The following GPATCH8 variants were observed in gnomAD, a reference collection of about 807,000 sequenced individuals.
The protein encoded by GPATCH8 is G-patch domain containing 8.
In GPATCH8, 18 loss-of-function variants were observed where a neutral mutation model predicts 118.3. The observed-to-expected ratio is 0.15, with a 90% CI of 0.11 to 0.23. GPATCH8 has a LOEUF of 0.23. Among genes scored for constraint, GPATCH8 ranks in the 10% least tolerant of loss-of-function variants. GPATCH8 has a pLI of 1.00. For missense variants in GPATCH8, 1,631 were observed against 1,873.8 expected, an observed-to-expected ratio of 0.87 and a Z score of 2.39; for synonymous variants, 659 against 684.7, an observed-to-expected ratio of 0.96 and a Z score of 0.59.
chr17:44,409,673 CCTCT>C (rs755854283), intron 6 of GPATCH8, among the ~76,000 whole-genome samples: 4 of 152,220 alleles, frequency 2.6e-5, no homozygotes, highest in Non-Finnish European at 4.4e-5. Flanking sequence ...GGTGATTTCA[CCTCT>C]CTGAGTTCCA....
Position 44,481,790 on chromosome 17 carries a change from T to G in GPATCH8, c.46-6887A>C, listed in dbSNP as rs1968268089. Among the ~76,000 whole-genome samples, 4 of 152,170 alleles carry G rather than the reference T, an allele frequency of 2.6e-5. No individual in the cohort carries two copies. In the South Asian group the frequency reaches 8.3e-4, roughly 31 times the overall value. ...TTAAAATCCTGTTCCATAGGCAGATTGTAGTGGCAGTTATAAGAATCTATA... is the reference window on the plus strand; with the variant it reads ...TTAAAATCCTGTTCCATAGGCAGATGGTAGTGGCAGTTATAAGAATCTATA... On this transcript the variant is annotated intron_variant, in intron 1 of 7. Transcript: ENST00000591680.
rs760573373 is a variant in GPATCH8, at chr17:44,399,969, T to C, written c.2108A>G (p.Glu703Gly). ...ADTEEKSSKA[E>G]SGEKSKKRKK... ...GCGCTTCTTAGATTTCTCCCCTGAC[T>C]CTGCCTTAGAGCTTTTCTCTTCTGT... Residue 703 changes from glutamate (E) to glycine (G), a missense_variant, in exon 8 of 8, where the codon GAG becomes GGG. By Grantham distance (98) the Glu-to-Gly change is moderately conservative. Coordinates refer to ENST00000591680, the MANE Select transcript of GPATCH8 (RefSeq NM_001002909.4). 17 of 1,614,048 alleles carry C rather than the reference T, an allele frequency of 1.1e-5. No homozygotes were observed. The highest frequency in any genetic ancestry group is 5.3e-5 in the African/African-American group (4 of 74,918).
At chr17:44,419,872 A>C (rs1000214675) in intron 6 of GPATCH8, among the ~76,000 whole-genome samples, 2 of 152,114 alleles carry the variant, frequency 1.3e-5, no homozygotes, top group African/African-American at 4.8e-5. Context: ...ACTATGAAAA[A>C]TTTAGTGCTG....
intron 1 of GPATCH8, among the ~76,000 whole-genome samples, chr17:44,475,304 C>T (rs762878916): frequency 1.3e-4 from 20 of 150,830 alleles, no homozygotes; most frequent in South Asian, 2.1e-4. Context: ...TGCTTGAACC[C>T]GGGAGGTGGG....
chr17:44,499,400 G>A (rs963186100), intron 1 of GPATCH8, among the ~76,000 whole-genome samples: 1 of 152,210 alleles, frequency 6.6e-6, no homozygotes, highest in Non-Finnish European at 1.5e-5. Context: ...AACCCGGGAG[G>A]CGGAGGTTGA....
chr17:44,462,985 T>TATAA (rs57126645), intron 3 of GPATCH8, among the ~76,000 whole-genome samples: 9,159 of 149,566 alleles, frequency 0.061, 433 homozygotes, highest in South Asian at 0.26. Flanking sequence ...CACTTCAAAA[T>TATAA]ATAAATAAAT....
chr17:44,461,314 T>G (rs1408376584), intron 3 of GPATCH8, among the ~76,000 whole-genome samples: 1 of 152,072 alleles, frequency 6.6e-6, no homozygotes, highest in Non-Finnish European at 1.5e-5. Context: ...CCCTAGTAGC[T>G]GGGACTATAG....
chr17:44,489,896 G>A (rs1969109026), intron 1 of GPATCH8, among the ~76,000 whole-genome samples: 1 of 152,050 alleles, frequency 6.6e-6, no homozygotes. Flanking sequence ...GGCCTCAACA[G>A]GATCTGAAAG....
intron 1 of GPATCH8, among the ~76,000 whole-genome samples, chr17:44,483,493 C>T (rs1968505350): frequency 6.6e-6 from 1 of 151,380 alleles, no homozygotes; most frequent in Non-Finnish European, 1.5e-5. Flanking sequence ...TTGTGATCTG[C>T]CCACCTCGGC....
chr17:44,503,366 G>C lies in GPATCH8; in HGVS notation c.5C>G (p.Ala2Gly). The change falls in exon 1 of 8, where the codon GCG (alanine) becomes GGG (glycine). Residue 2 changes from alanine (A) to glycine (G), a missense_variant. Ala to Gly is a moderately conservative substitution (Grantham distance 60, BLOSUM62 0). Coordinates refer to ENST00000591680, the MANE Select transcript of GPATCH8 (RefSeq NM_001002909.4). Reference protein sequence around the residue: MADRFSRFNEDR... With the variant: MGDRFSRFNEDR... ...TTCGTTGAAGCGGGAGAAGCGGTCCGCCATTTTGCCGCCTTCACTCCTCTC... is the reference window on the plus strand; with the variant it reads ...TTCGTTGAAGCGGGAGAAGCGGTCCCCCATTTTGCCGCCTTCACTCCTCTC... 6.2e-7 allele frequency: 1 copy of C among 1,608,946 alleles called. No homozygotes were observed. The highest frequency in any genetic ancestry group is 8.5e-7 in the Non-Finnish European group (1 of 1,177,862).
chr17:44,468,003 A>AT (rs554871308), intron 2 of GPATCH8, among the ~76,000 whole-genome samples: 1,479 of 142,512 alleles, frequency 0.01, 8 homozygotes, highest in Middle Eastern at 0.015. Context: ...TTATTCCAGG[A>AT]TTTTTTTTTT....
chr17:44,453,487 G>C (rs920664249), intron 3 of GPATCH8, among the ~76,000 whole-genome samples: 2 of 129,002 alleles, frequency 1.6e-5, no homozygotes, highest in African/African-American at 5.6e-5. Flanking sequence ...TTGTAGGTAG[G>C]TAGGTAGGTA....
At position 44,397,813 on chromosome 17, in the gene GPATCH8, T is replaced by A; in HGVS notation, c.4264A>T (p.Thr1422Ser). The change falls in exon 8 of 8, where the codon ACT becomes TCT. Residue 1422 changes from threonine (T) to serine (S), a missense_variant. Thr to Ser is a moderately conservative substitution (Grantham distance 58). Coordinates refer to ENST00000591680, the MANE Select transcript of GPATCH8 (RefSeq NM_001002909.4). ...HLTPISLSHL[T>S]HSIIPGHPAT... ...GGGTGGCCAGGGATGATTGAGTGAG[T>A]GAGGTGGGACAAAGAAATGGGGGTC... is the stretch of plus-strand genomic sequence containing the variant. 6.3e-7 allele frequency: 1 copy of A among 1,583,944 alleles called. No homozygotes were observed. The highest frequency in any genetic ancestry group is 8.6e-7 in the Non-Finnish European group (1 of 1,162,732).
chr17:44,464,193 C>A (rs1312430492), intron 3 of GPATCH8, among the ~76,000 whole-genome samples: 1 of 152,072 alleles, frequency 6.6e-6, no homozygotes, highest in Non-Finnish European at 1.5e-5. Flanking sequence ...CCCATCACCT[C>A]CACCAAAAAA....
intron 2 of GPATCH8, 119 bp from the exon 3 acceptor site, chr17:44,464,663 G>A (rs2051689457): frequency 7.9e-6 from 6 of 762,840 alleles, no homozygotes; most frequent in Non-Finnish European, 1.4e-5. Flanking sequence ...ATGCAAAAAG[G>A]TGCTAATAAT....
intron 1 of GPATCH8, among the ~76,000 whole-genome samples, chr17:44,476,971 A>G (rs1368059392): frequency 1.3e-5 from 2 of 152,196 alleles, no homozygotes; most frequent in Non-Finnish European, 2.9e-5. Context: ...CTTAAAATAT[A>G]GGGCATCAGG....
Position 44,398,958 on chromosome 17 carries a change from C to G in GPATCH8, c.3119G>C (p.Arg1040Pro). Residue 1040 changes from arginine to proline, a missense_variant, in exon 8 of 8, where the codon CGA becomes CCA. This residue lies in a region of GPATCH8 where 922 missense variants were observed against 879.7 expected (regional missense o/e 1.05). Transcript: ENST00000591680. ...IYRSQSPHYF[R>P]SGRGEGPGKK... ...CCCAGGACCTTCTCCCCGGCCTGAT[C>G]GGAAATAGTGGGGGGACTGGGAGCG... The G allele has an allele frequency of 6.2e-7, 1 of 1,614,118 alleles. No homozygotes were observed. The highest frequency in any genetic ancestry group is 8.5e-7 in the Non-Finnish European group (1 of 1,180,016).
intron 1 of GPATCH8, among the ~76,000 whole-genome samples, chr17:44,476,906 A>G (rs1967824396): frequency 6.6e-6 from 1 of 152,218 alleles, no homozygotes; most frequent in Non-Finnish European, 1.5e-5. Flanking sequence ...TCAGGAAGGA[A>G]TAGCTCATAA....
intron 6 of GPATCH8, among the ~76,000 whole-genome samples, chr17:44,419,504 C>CGA (rs2049813296): frequency 6.6e-6 from 1 of 151,878 alleles, no homozygotes; most frequent in South Asian, 2.1e-4. Context: ...TTTTGTTGTC[C>CGA]GAGACAGGGT....
Sources: allele counts gnomAD v4.1 joint callset (sites outside exome capture counted in the v4.1 genomes callset), GRCh38; gene constraint gnomAD v4.1.1; regional missense constraint gnomAD v4.1.1; transcripts MANE v1.5; gene names NCBI Gene and HGNC (gene_info 2026-07-23, HGNC 2026-07-21).